CATIP: variants seen among roughly 807,000 people sequenced by gnomAD.
The protein encoded by CATIP is ciliogenesis associated TTC17 interacting protein.
Under a neutral mutation model 42.5 loss-of-function variants are expected in CATIP, and 40 were observed. The observed-to-expected ratio is 0.94, with a 90% CI of 0.73 to 1.22. The LOEUF is 1.22. Among genes scored for constraint, CATIP ranks in the 50% most tolerant of loss-of-function variants. The probability of loss-of-function intolerance (pLI) is 0.00; values close to 1 mark genes in which losing one functional copy is unlikely to be tolerated. For missense variants in CATIP, 489 were observed against 496.0 expected (o/e 0.99, Z 0.13); for synonymous variants, 222 against 200.2 (o/e 1.11, Z -0.92).
intron 2 of CATIP, 81 bp downstream of exon 2, chr2:218,357,268 TC>T: frequency 1.3e-6 from 1 of 796,428 alleles, no homozygotes; most frequent in Non-Finnish European, 2.0e-6. Context: ...AGTCTCTCTC[TC>T]TCTCTCTCTC....
At chr2:218,360,290 T>G (rs1695188914) in intron 4 of CATIP, among the ~76,000 whole-genome samples, 1 of 152,126 alleles carries the variant, frequency 6.6e-6, no homozygotes, top group African/African-American at 2.4e-5. Flanking sequence ...TAGCTGAGAC[T>G]ACAGGCATGT....
chr2:218,367,984 A>T lies in CATIP; in HGVS notation c.*20A>T, dbSNP rs754394131. 21 of 1,522,824 alleles carry T rather than the reference A, an allele frequency of 1.4e-5. No individual in the cohort carries two copies. The highest frequency in any genetic ancestry group is 1.8e-5 in the Non-Finnish European group (21 of 1,139,568). 94.3% of individuals were successfully genotyped at this position (1,522,824 alleles called of 1,614,324 possible). On this transcript the variant is annotated 3_prime_UTR_variant, in exon 10 of 10. Transcript: ENST00000289388. ...GCCTAAGCGGGGCCCAGGCCCGGAC[A>T]GGGCAGGAAACCAGGGGTCGGGCTG...
At chr2:218,361,046 G>T (rs1041953319) in intron 5 of CATIP, among the ~76,000 whole-genome samples, 1 of 151,816 alleles carries the variant, frequency 6.6e-6, no homozygotes, top group African/African-American at 2.4e-5. Flanking sequence ...GGCCAGGCTG[G>T]TCTCAAACTC....
rs984518529 is a variant in CATIP at position 218,368,035 on chromosome 2, G to A, written c.*71G>A. 2 of 1,435,580 alleles carry A rather than the reference G, an allele frequency of 1.4e-6. No homozygotes were observed. The highest frequency in any genetic ancestry group is 2.8e-5 in the Admixed American group (1 of 35,580). The allele number at this position is 1,435,580 out of a possible 1,614,324, so 88.9% of individuals were successfully genotyped here. On this transcript the variant is annotated 3_prime_UTR_variant, in exon 10 of 10. Coordinates refer to ENST00000289388, the MANE Select transcript of CATIP (RefSeq NM_198559.2). ...GGACGCGGGCGGGACGCGCCGGGGC[G>A]GGTGCGCTTTCCGGGCTGCGGTTTT...
chr2:218,357,059 C>G, intron 1 of CATIP, 36 bp from the exon 2 acceptor site: 1 of 1,591,508 alleles, frequency 6.3e-7, no homozygotes, highest in Non-Finnish European at 8.6e-7. Flanking sequence ...CCCTTCTCCC[C>G]AGGGTCTGCC....
chr2:218,360,987 C>T (rs1474021376), intron 5 of CATIP, among the ~76,000 whole-genome samples: 2 of 151,880 alleles, frequency 1.3e-5, no homozygotes, highest in Non-Finnish European at 2.9e-5. Flanking sequence ...TGCACCACCA[C>T]GCCCGGCTAA....
intron 7 of CATIP, chr2:218,366,180 G>A (rs1215424916): frequency 6.6e-6 from 1 of 152,204 alleles, no homozygotes; most frequent in Non-Finnish European, 1.5e-5. Flanking sequence ...CTGGAGTACA[G>A]GGATGCAATC....
chr2:218,360,430 G>A (rs569359501), intron 4 of CATIP, 143 bp from the exon 5 acceptor site: 31 of 632,058 alleles, frequency 4.9e-5, no homozygotes, highest in African/African-American at 2.6e-4. Flanking sequence ...GATTACAGGC[G>A]TGAGCCACTG....
intron 5 of CATIP, among the ~76,000 whole-genome samples, 170 bp downstream of exon 5, chr2:218,360,829 GTTTT>G (rs779798449): frequency 7.3e-6 from 1 of 137,458 alleles, no homozygotes; most frequent in Non-Finnish European, 1.6e-5. Flanking sequence ...GGCACAGCTT[GTTTT>G]TTTTTTTTTT....
rs140677940 is a variant in CATIP, at chr2:218,359,341, C to CAAAAAAAA, written c.376-1216_376-1209dup. On this transcript the variant is annotated intron_variant, in intron 4 of 9. Coordinates refer to ENST00000289388, the MANE Select transcript of CATIP (RefSeq NM_198559.2). ...TGGGCAACAGAGCGAGACTCTGTCTCAAAAAAAAAAAAAAAAAAAAAAATG... is the reference window on the plus strand; with the variant it reads ...TGGGCAACAGAGCGAGACTCTGTCTCAAAAAAAAAAAAAAAAAAAAAAAAAAAAAAATG... Among the ~76,000 whole-genome samples, 319 of 79,660 alleles carry CAAAAAAAA rather than the reference C, an allele frequency of 4.0e-3. 7 individuals carry two copies. Among genetic ancestry groups the CAAAAAAAA allele is most frequent in the East Asian group, 8.4e-3 (20 of 2,370 alleles). 52.3% of individuals were successfully genotyped at this position (79,660 alleles called of 152,430 possible). A position where few individuals can be genotyped will look rare whatever the true frequency, so the allele number is the denominator to read the frequency against.
chr2:218,363,001 G>A (rs902066110), intron 6 of CATIP, 99 bp downstream of exon 6: 2 of 1,237,154 alleles, frequency 1.6e-6, no homozygotes. Flanking sequence ...AGAAAAGGGA[G>A]GCAGGTGGGG....
At chr2:218,360,833 T>G (rs1446271142) in intron 5 of CATIP, among the ~76,000 whole-genome samples, 174 bp downstream of exon 5, 69 of 150,054 alleles carry the variant, frequency 4.6e-4, no homozygotes, top group Non-Finnish European at 5.3e-4. Context: ...CAGCTTGTTT[T>G]TTTTTTTTTT....
chr2:218,357,621 A>T lies in CATIP; in HGVS notation c.206A>T (p.Glu69Val). The change falls in exon 3 of 10, where the codon GAG becomes GTG. Residue 69 changes from glutamate (E) to valine (V), a missense_variant. Coordinates refer to ENST00000289388, the MANE Select transcript of CATIP (RefSeq NM_198559.2). The stretch of plus-strand genomic sequence containing the variant: ...GAGCCTCAGGGAGAGCTGACCATTG[A>T]GGTGCAGAGAGGGAAATACCAGGAA... The part of the protein sequence containing the change: ...TGEPQGELTI[E>V]VQRGKYQEKL... 1 of 1,614,002 alleles carries T rather than the reference A, an allele frequency of 6.2e-7. No individual in the cohort carries two copies. The highest frequency in any genetic ancestry group is 8.5e-7 in the Non-Finnish European group (1 of 1,179,928).
intron 7 of CATIP, chr2:218,365,537 T>TATTC (rs1695402613): frequency 6.6e-6 from 1 of 152,200 alleles, no homozygotes; most frequent in Non-Finnish European, 1.5e-5. Context: ...TCAGAATAGA[T>TATTC]ATTCACATAA....
intron 6 of CATIP, among the ~76,000 whole-genome samples, chr2:218,363,618 C>G (rs1468628764): frequency 1.3e-5 from 2 of 152,000 alleles, no homozygotes; most frequent in African/African-American, 2.4e-5. Context: ...GCCTGGCCAA[C>G]ATGGTGAAAC....
At chr2:218,357,475 G>A in intron 2 of CATIP, 59 bp from the exon 3 acceptor site, 2 of 1,439,898 alleles carry the variant, frequency 1.4e-6, no homozygotes, top group Non-Finnish European at 9.7e-7. Context: ...GGGGTCAGAG[G>A]ATTGGATTGG....
In CATIP at chr2:218,367,738, G is replaced by A. The variant is rs1202879245; in HGVS notation, c.938G>A (p.Gly313Asp). The A allele has an allele frequency of 1.2e-6, 2 of 1,602,150 alleles. No homozygotes were observed. Among genetic ancestry groups the A allele is most frequent in the Non-Finnish European group, 1.7e-6 (2 of 1,177,152 alleles). The change falls in exon 10 of 10, where the codon GGC (glycine) becomes GAC (aspartate). Residue 313 changes from glycine to aspartate, a missense_variant. Physicochemically the swap from Gly to Asp is moderately conservative, Grantham distance 94. Transcript: ENST00000289388. ...FLDRKEELRL[G>D]HASYLRQHPE... is the part of the protein sequence containing the mutation. ...CCCTGCCAGGAGGAGCTCCGGCTCG[G>A]CCACGCCAGCTATCTGCGGCAGCAC...
At position 218,357,844 on chromosome 2, in the gene CATIP, C is replaced by T; in HGVS notation, c.319+110C>T. ...CCAAGCCCTTGGCTTTGCCTTGGAC[C>T]AGGACAAGGCACGGGGTGGGAGAGG... On this transcript the variant is annotated intron_variant, in intron 3 of 9. Coordinates refer to ENST00000289388, the MANE Select transcript of CATIP (RefSeq NM_198559.2). The T allele has an allele frequency of 6.4e-6, 8 of 1,242,066 alleles. No homozygotes were observed. In the South Asian group the frequency reaches 9.9e-5, roughly 15 times the overall value. The allele number at this position is 1,242,066 out of a possible 1,614,324, so 76.9% of individuals were successfully genotyped here.
chr2:218,362,772 C>T lies in CATIP; in HGVS notation c.500C>T (p.Ser167Leu). 1 of 1,614,154 alleles carries T rather than the reference C, an allele frequency of 6.2e-7. No homozygotes were observed. Among genetic ancestry groups the T allele is most frequent in the Non-Finnish European group, 8.5e-7 (1 of 1,180,006 alleles). Residue 167 changes from serine (S) to leucine (L), a missense_variant, in exon 6 of 10, where the codon TCA becomes TTA. Ser to Leu is a moderately radical substitution (Grantham distance 145). Coordinates refer to ENST00000289388, the MANE Select transcript of CATIP (RefSeq NM_198559.2). ...GGAGTGACTTCTTTCCCCTGGAGCT[C>T]AATCAAGGGCTTCATCTCAGAGGCT... is the stretch of plus-strand genomic sequence containing the variant. ...KTGVTSFPWS[S>L]IKGFISEAAN...
Sources: gnomAD v4.1 joint callset for allele counts (sites outside exome capture counted in the v4.1 genomes callset) on GRCh38, gnomAD v4.1.1 for gene constraint, MANE v1.5 for transcripts, NCBI Gene and HGNC (gene_info 2026-07-23, HGNC 2026-07-21) for gene names.